Variants in LAMA3 observed in about 807,000 individuals in gnomAD.
The protein encoded by LAMA3 is laminin subunit alpha 3.
LAMA3 carries 281 observed loss-of-function variants against 402.0 expected under a neutral mutation model. The observed-to-expected ratio is 0.70, with a 90% CI of 0.63 to 0.77. The LOEUF is 0.77. Ranked by LOEUF, LAMA3 falls within the 30% of genes least tolerant of loss-of-function variation. LAMA3 has a pLI of 0.00. For missense variants in LAMA3, 3,840 were observed against 4,215.5 expected, an observed-to-expected ratio of 0.91 and a Z score of 2.47; for synonymous variants, 1,431 against 1,558.4, an observed-to-expected ratio of 0.92 and a Z score of 1.93.
chr18:23,767,920 C>G (rs1160012822), intron 8 of LAMA3, among the ~76,000 whole-genome samples: 5 of 152,018 alleles, frequency 3.3e-5, no homozygotes, highest in Non-Finnish European at 5.9e-5. Flanking sequence ...AGTTGTCTCT[C>G]CATGTGCAGA....
At position 23,914,679 on chromosome 18, in the gene LAMA3, C is replaced by CTAAATTCA. The variant is rs1599083374; in HGVS notation, c.7482-17_7482-10dup. 3 of 1,603,140 alleles carry CTAAATTCA rather than the reference C, an allele frequency of 1.9e-6. No homozygotes were observed. The highest frequency in any genetic ancestry group is 8.5e-7 in the Non-Finnish European group (1 of 1,173,090). On this transcript the variant is annotated intron_variant, in intron 57 of 74. Transcript: ENST00000313654. ...CAAATTTTTTGTTTAACTTTATTAT[C>CTAAATTCA]TAAATTCATTTTAAACAGAATTTAT...
chr18:23,766,338 T>C (rs1223314207), intron 8 of LAMA3, among the ~76,000 whole-genome samples: 1 of 152,108 alleles, frequency 6.6e-6, no homozygotes, highest in Non-Finnish European at 1.5e-5. Flanking sequence ...TCAGTAAAAA[T>C]ATCCTTCAAG....
intron 8 of LAMA3, among the ~76,000 whole-genome samples, chr18:23,772,616 C>T (rs528581419): frequency 4.6e-5 from 7 of 152,196 alleles, no homozygotes; most frequent in Non-Finnish European, 8.8e-5. Context: ...GGAAAATGAG[C>T]GGTAATAAAG....
chr18:23,690,615 C>A (rs2060566089), intron 1 of LAMA3, among the ~76,000 whole-genome samples: 1 of 152,130 alleles, frequency 6.6e-6, no homozygotes, highest in African/African-American at 2.4e-5. Flanking sequence ...TGTTAAGCAG[C>A]ATCTTGCAGT....
At chr18:23,888,901 C>A in intron 41 of LAMA3, among the ~76,000 whole-genome samples, 1 of 149,586 alleles carries the variant, frequency 6.7e-6, no homozygotes. Flanking sequence ...AATTGACATC[C>A]CAACTCCAGG....
At chr18:23,937,636 T>C (rs899625386) in intron 67 of LAMA3, among the ~76,000 whole-genome samples, 2 of 152,134 alleles carry the variant, frequency 1.3e-5, no homozygotes, top group Non-Finnish European at 2.9e-5. Flanking sequence ...AAACTGTTCA[T>C]CTTGATGCTT....
In LAMA3 at chr18:23,824,418, G is replaced by C. The variant is rs1237778680; in HGVS notation, c.2429-5G>C. On this transcript the variant is annotated splice_region_variant and splice_polypyrimidine_tract_variant and intron_variant, in intron 20 of 74. Transcript: ENST00000313654. ...GCCTTAAGCAGTTCTTTGTATTTCT[G>C]ATAGGTGCTGCTCAAAGCAAAGAGA... 4 of 1,613,908 alleles carry C rather than the reference G, an allele frequency of 2.5e-6. No individual in the cohort carries two copies. The highest frequency in any genetic ancestry group is 1.1e-5 in the South Asian group (1 of 91,082).
intron 8 of LAMA3, among the ~76,000 whole-genome samples, chr18:23,770,128 G>A (rs1329491089): frequency 1.3e-5 from 2 of 152,142 alleles, no homozygotes; most frequent in African/African-American, 4.8e-5. Context: ...GGGAAAAATA[G>A]ACAATTCTAT....
chr18:23,738,162 G>A (rs558140086), intron 2 of LAMA3, among the ~76,000 whole-genome samples: 9 of 152,160 alleles, frequency 5.9e-5, no homozygotes, highest in East Asian at 1.9e-4. Context: ...GTGAGTCCCC[G>A]CACAGCAGTT....
rs1316454655 is a variant in LAMA3, at chr18:23,752,904, TGG to T, written c.856-816_856-815del. Among the ~76,000 whole-genome samples the T allele has an allele frequency of 2.6e-5, 4 of 152,246 alleles. No homozygotes were observed. The South Asian group carries it at 8.3e-4, about 31-fold the overall frequency. Reference sequence around the variant, plus strand: ...ACAGATATTCTTCTCACTGGCAGCATGGCCTCAATGAGAAAGATTGTTCTACA... The same window carrying T: ...ACAGATATTCTTCTCACTGGCAGCATCCTCAATGAGAAAGATTGTTCTACA... On this transcript the variant is annotated intron_variant, in intron 5 of 74. Coordinates refer to ENST00000313654, the MANE Select transcript of LAMA3 (RefSeq NM_198129.4).
At chr18:23,748,333 A>T (rs1347896757) in intron 3 of LAMA3, among the ~76,000 whole-genome samples, 1 of 151,296 alleles carries the variant, frequency 6.6e-6, no homozygotes, top group Non-Finnish European at 1.5e-5. Context: ...AGGTCGGATT[A>T]TCACTTGAAC....
At chr18:23,917,756 A>G (rs1158991681) in intron 60 of LAMA3, among the ~76,000 whole-genome samples, 1 of 151,842 alleles carries the variant, frequency 6.6e-6, no homozygotes, top group Non-Finnish European at 1.5e-5. Flanking sequence ...TGGATATTAG[A>G]CCTTTTTCAC....
chr18:23,904,797 T>A, intron 51 of LAMA3, 103 bp downstream of exon 51: 1 of 1,273,742 alleles, frequency 7.9e-7, no homozygotes, highest in South Asian at 1.3e-5. Context: ...AGCATTATTT[T>A]AAATCAGAAC....
At chr18:23,868,558 G>A (rs1193962945) in intron 37 of LAMA3, among the ~76,000 whole-genome samples, 1 of 152,150 alleles carries the variant, frequency 6.6e-6, no homozygotes, top group Admixed American at 6.5e-5. Context: ...GCTGCAGTGA[G>A]CCATGGTCAC....
At chr18:23,902,978 A>G in intron 48 of LAMA3, 31 bp from the exon 49 acceptor site, 1 of 1,294,746 alleles carries the variant, frequency 7.7e-7, no homozygotes, top group Middle Eastern at 2.0e-4. Context: ...TATATCATAG[A>G]GCTCAAGCAA....
intron 67 of LAMA3, among the ~76,000 whole-genome samples, chr18:23,938,958 T>C (rs760808917): frequency 3.9e-5 from 6 of 152,122 alleles, no homozygotes; most frequent in Non-Finnish European, 7.4e-5. Context: ...CACTAGGGCA[T>C]TGAAGGGGAT....
intron 12 of LAMA3, among the ~76,000 whole-genome samples, chr18:23,785,272 G>T (rs1268291794): frequency 1.3e-5 from 2 of 152,214 alleles, no homozygotes; most frequent in African/African-American, 2.4e-5. Flanking sequence ...TCTGAGAAGT[G>T]CTGTCTTTAG....
intron 62 of LAMA3, among the ~76,000 whole-genome samples, chr18:23,923,880 A>G (rs1599110555): frequency 6.6e-6 from 1 of 152,242 alleles, no homozygotes; most frequent in African/African-American, 2.4e-5. Flanking sequence ...CAGTAGGTAG[A>G]ACCACAAAAG....
chr18:23,869,504 A>G (rs1027653306), intron 37 of LAMA3, among the ~76,000 whole-genome samples: 2 of 152,204 alleles, frequency 1.3e-5, no homozygotes, highest in Admixed American at 6.5e-5. Flanking sequence ...TAAATTTATT[A>G]CAAATTGTAT....
Sources: allele counts gnomAD v4.1 joint callset (sites outside exome capture counted in the v4.1 genomes callset), GRCh38; gene constraint gnomAD v4.1.1; transcripts MANE v1.5; gene names NCBI Gene and HGNC (gene_info 2026-07-23, HGNC 2026-07-21).